KRT74: variants seen among roughly 807,000 people sequenced by gnomAD.
The protein encoded by KRT74 is keratin 74.
KRT74 carries 43 observed loss-of-function variants against 42.7 expected under a neutral mutation model. The ratio of observed to expected loss-of-function variants is 1.01; its 90% CI spans 0.79 to 1.30. KRT74 has a LOEUF of 1.30. Among genes scored for constraint, KRT74 ranks in the 50% most tolerant of loss-of-function variants. KRT74 has a pLI of 0.00. For synonymous variants in KRT74, 302 were observed against 279.0 expected, an observed-to-expected ratio of 1.08 and a Z score of -0.82; for missense variants, 736 against 689.1, an observed-to-expected ratio of 1.07 and a Z score of -0.76.
chr12:52,571,510 T>A, intron 3 of KRT74, 56 bp from the exon 4 acceptor site: 1 of 1,287,576 alleles, frequency 7.8e-7, no homozygotes, highest in Non-Finnish European at 1.1e-6. Context: ...ACAGCTGCCC[T>A]GCCCAACTCC....
intron 6 of KRT74, 62 bp downstream of exon 6, chr12:52,569,797 C>T: frequency 6.2e-7 from 1 of 1,608,526 alleles, no homozygotes; most frequent in Non-Finnish European, 8.5e-7. Context: ...AGGGCAGGCC[C>T]CATTTCCTCA....
intron 5 of KRT74, 32 bp downstream of exon 5, chr12:52,570,637 C>T: frequency 1.9e-6 from 3 of 1,613,426 alleles, no homozygotes; most frequent in South Asian, 1.1e-5. Context: ...AAGCGAAGGG[C>T]TGCTGTGGGA....
At chr12:52,569,447 C>G in intron 6 of KRT74, 3 of 612,786 alleles carry the variant, frequency 4.9e-6, no homozygotes, top group South Asian at 3.9e-5. Context: ...GTTCCATGTC[C>G]AGTGGGAGGA....
At chr12:52,569,575 A>G (rs1420190425) in intron 6 of KRT74, 5 of 599,188 alleles carry the variant, frequency 8.3e-6, no homozygotes, top group Non-Finnish European at 1.5e-5. Context: ...TCCATTCATT[A>G]CCAGCTGGGG....
At position 52,573,608 on chromosome 12, in the gene KRT74, C is replaced by A. The variant is rs367926319; in HGVS notation, c.170G>T (p.Arg57Leu). Reference sequence around the variant, plus strand: ...ACCAGCCACATTGAAAGAAATACGCCGATTCCCTCCAAGGCTATAGAGGCT... The same window carrying A: ...ACCAGCCACATTGAAAGAAATACGCAGATTCCCTCCAAGGCTATAGAGGCT... ...SRSLYSLGGN[R>L]RISFNVAGGG... The change falls in exon 1 of 9, where the codon CGG (arginine) becomes CTG (leucine). Residue 57 changes from arginine (R) to leucine (L), a missense_variant. By Grantham distance (102) the Arg-to-Leu change is moderately radical. Coordinates refer to ENST00000305620, the MANE Select transcript of KRT74 (RefSeq NM_175053.4). The A allele has an allele frequency of 6.2e-7, 1 of 1,614,178 alleles. No homozygotes were observed. The highest frequency in any genetic ancestry group is 8.5e-7 in the Non-Finnish European group (1 of 1,180,048).
intron 6 of KRT74, among the ~76,000 whole-genome samples, chr12:52,569,305 A>G (rs905019606): frequency 2.4e-5 from 3 of 123,260 alleles, no homozygotes; most frequent in African/African-American, 9.3e-5. Context: ...ACCATGGCAC[A>G]GGGCAAGGGA....
Position 52,573,562 on chromosome 12 carries a change from A to T in KRT74, c.216T>A (p.Gly72=). ...NVAGGGVRAG[G]YGFRPGSGYG... ...ACCCAGAGCCAGGCCTGAAGCCGTA[A>T]CCTCCAGCCCGAACGCCGCCACCAG... The change falls in exon 1 of 9, where the codon GGT becomes GGA. Residue 72 remains glycine, a synonymous_variant. Coordinates refer to ENST00000305620, the MANE Select transcript of KRT74 (RefSeq NM_175053.4). The T allele has an allele frequency of 6.2e-6, 10 of 1,613,938 alleles. No homozygotes were observed. Among genetic ancestry groups the T allele is most frequent in the Non-Finnish European group, 8.5e-6 (10 of 1,180,022 alleles).
Position 52,569,919 on chromosome 12 carries a change from C to A in KRT74, c.1074G>T (p.Met358Ile). The A allele has an allele frequency of 6.2e-7, 1 of 1,614,214 alleles. No individual in the cohort carries two copies. Reference protein sequence around the residue: ...GDDLKHTRSEMVELNRLIQRI... With the variant: ...GDDLKHTRSEIVELNRLIQRI... ...TCTGGATGAGCCGGTTCAGCTCCACCATCTCGCTCCTGGTGTGTTTCAGGT... is the reference window on the plus strand; with the variant it reads ...TCTGGATGAGCCGGTTCAGCTCCACAATCTCGCTCCTGGTGTGTTTCAGGT... Residue 358 changes from methionine (M) to isoleucine (I), a missense_variant, in exon 6 of 9, where the codon ATG becomes ATT. Physicochemically the swap from Met to Ile is conservative, Grantham distance 10 (BLOSUM62 1). Transcript: ENST00000305620.
chr12:52,570,057 CT>C, intron 5 of KRT74, 73 bp from the exon 6 acceptor site: 2 of 1,540,704 alleles, frequency 1.3e-6, no homozygotes, highest in Non-Finnish European at 1.8e-6. Flanking sequence ...TAAGCCACCC[CT>C]GCCACCCTGG....
chr12:52,571,220 T>C (rs1939474849), intron 4 of KRT74, 139 bp downstream of exon 4: 2 of 694,934 alleles, frequency 2.9e-6, no homozygotes, highest in Admixed American at 2.0e-5. Flanking sequence ...TGCACTTCCA[T>C]GGTCTCCTGG....
intron 6 of KRT74, chr12:52,568,599 C>A (rs1218955873): frequency 3.2e-6 from 2 of 626,100 alleles, no homozygotes; most frequent in African/African-American, 3.7e-5. Context: ...GAAGCAGTTG[C>A]ATTTCAGGAG....
intron 6 of KRT74, 123 bp from the exon 7 acceptor site, chr12:52,568,512 A>G: frequency 1.0e-6 from 1 of 987,934 alleles, no homozygotes; most frequent in Non-Finnish European, 1.5e-6. Flanking sequence ...AAAAGCTGCA[A>G]AGCCAACACC....
chr12:52,572,097 T>C, intron 2 of KRT74, 93 bp from the exon 3 acceptor site: 2 of 952,776 alleles, frequency 2.1e-6, no homozygotes, highest in Middle Eastern at 2.4e-4. Context: ...ACAGGGTCCC[T>C]GCAGGGTCTC....
Position 52,568,291 on chromosome 12 carries a change from C to T in KRT74, c.1233G>A (p.Leu411=), listed in dbSNP as rs765524280. The change falls in exon 7 of 9, where the codon CTG becomes CTA. Residue 411 remains leucine, a synonymous_variant. Coordinates refer to ENST00000305620, the MANE Select transcript of KRT74 (RefSeq NM_175053.4). ...QAKLDELEGA[L]HQAKEELARM... Reference sequence around the variant, plus strand: ...GCGCCAGCTCCTCCTTGGCCTGGTGCAGGGCGCCCTCCAGCTCATCCAGCT... The same window carrying T: ...GCGCCAGCTCCTCCTTGGCCTGGTGTAGGGCGCCCTCCAGCTCATCCAGCT... 10 of 1,614,114 alleles carry T rather than the reference C, an allele frequency of 6.2e-6. No individual in the cohort carries two copies. Among genetic ancestry groups the T allele is most frequent in the Non-Finnish European group, 7.6e-6 (9 of 1,180,052 alleles).
intron 1 of KRT74, 93 bp from the exon 2 acceptor site, chr12:52,572,760 T>G: frequency 8.5e-7 from 1 of 1,182,832 alleles, no homozygotes. Context: ...TGCCATAGAT[T>G]GTTGTAGTCA....
rs1939420747 is a variant in KRT74 at position 52,568,538 on chromosome 12, C to A, written c.1135-149G>T. ...AGCCAACACCAGAACTTTGTCTCTT[C>A]TATTTTCTATTGCAGAGGAGTATTC... is the stretch of plus-strand genomic sequence containing the variant. On this transcript the variant is annotated intron_variant, in intron 6 of 8. Coordinates refer to ENST00000305620, the MANE Select transcript of KRT74 (RefSeq NM_175053.4). The A allele has an allele frequency of 1.4e-5, 11 of 789,786 alleles. No homozygotes were observed. The Middle Eastern group carries it at 7.0e-4, about 50-fold the overall frequency. The allele number at this position is 789,786 out of a possible 1,614,324, so 48.9% of individuals were successfully genotyped here.
intron 2 of KRT74, among the ~76,000 whole-genome samples, 179 bp from the exon 3 acceptor site, chr12:52,572,183 T>A (rs542869143): frequency 6.6e-6 from 1 of 152,262 alleles, no homozygotes; most frequent in Non-Finnish European, 1.5e-5. Flanking sequence ...AGTTTTTGCA[T>A]GTTAGGAAAA....
rs188098715 is a variant in KRT74 at position 52,571,216 on chromosome 12, T to G, written c.843+143A>C. 376 of 690,304 alleles carry G rather than the reference T, an allele frequency of 5.4e-4. No homozygotes were observed. In the African/African-American group the frequency reaches 6.2e-3, roughly 11 times the overall value. 42.8% of individuals were successfully genotyped at this position (690,304 alleles called of 1,614,324 possible). A position where few individuals can be genotyped will look rare whatever the true frequency, so the allele number is the denominator to read the frequency against. On this transcript the variant is annotated intron_variant, in intron 4 of 8. Coordinates refer to ENST00000305620, the MANE Select transcript of KRT74 (RefSeq NM_175053.4). ...CCTCCAAGGACCAGCATCCTGCACT[T>G]CCATGGTCTCCTGGTGCAGGGTTTT...
Position 52,568,339 on chromosome 12 carries a change from A to G in KRT74, c.1185T>C (p.Asn395=), listed in dbSNP as rs767464595. The G allele has an allele frequency of 8.1e-6, 13 of 1,614,190 alleles. No individual in the cohort carries two copies. Among genetic ancestry groups the G allele is most frequent in the Non-Finnish European group, 1.1e-5 (13 of 1,180,052 alleles). Reference sequence around the variant, plus strand: ...GCTTGGCCTGGGCATCCTTCAGGGCATTGTCTCCCCGCTGCTCAGCGTCAG... The same window carrying G: ...GCTTGGCCTGGGCATCCTTCAGGGCGTTGTCTCCCCGCTGCTCAGCGTCAG... The part of the protein sequence containing the change: ...AIADAEQRGD[N]ALKDAQAKLD... The change falls in exon 7 of 9, where the codon AAT becomes AAC. Residue 395 remains asparagine, a synonymous_variant. Coordinates refer to ENST00000305620, the MANE Select transcript of KRT74 (RefSeq NM_175053.4).
Sources: allele counts gnomAD v4.1 joint callset (sites outside exome capture counted in the v4.1 genomes callset), GRCh38; gene constraint gnomAD v4.1.1; transcripts MANE v1.5; gene names NCBI Gene and HGNC (gene_info 2026-07-23, HGNC 2026-07-21).